TSPEAR: variants seen among roughly 807,000 people sequenced by gnomAD.
The protein encoded by TSPEAR is thrombospondin-type laminin G domain and EAR repeat-containing protein.
In TSPEAR, 69 loss-of-function variants were observed where a neutral mutation model predicts 71.6. The ratio of observed to expected loss-of-function variants is 0.96; its 90% CI spans 0.79 to 1.18. The LOEUF (loss-of-function observed/expected upper bound fraction) is 1.18, where lower values mean the gene tolerates loss of function less well. TSPEAR is among the 50% of genes most tolerant of loss of function. The probability of loss-of-function intolerance (pLI) is 0.00; values close to 1 mark genes in which losing one functional copy is unlikely to be tolerated. For synonymous variants in TSPEAR, 402 were observed against 387.2 expected (o/e 1.04, Z -0.45); for missense variants, 971 against 894.9 (o/e 1.09, Z -1.09).
intron 11 of TSPEAR, among the ~76,000 whole-genome samples, chr21:44,500,934 C>G (rs1162119307): frequency 6.6e-6 from 1 of 152,180 alleles, no homozygotes; most frequent in African/African-American, 2.4e-5. Context: ...GACCCAGTGC[C>G]TTTCCTTCTG....
Position 44,521,883 on chromosome 21 carries a change from C to T in TSPEAR, c.1566G>A (p.Pro522=), listed in dbSNP as rs151318000. ...LGSFQLFQSF[P]TFGAADWEVF... is the part of the protein sequence containing the mutation. ...CCGGGGCTCATGCGGGGGGCCTTACCGGGAAGGACTGGAAGAGCTGGAAGG... is the reference window on the plus strand; with the variant it reads ...CCGGGGCTCATGCGGGGGGCCTTACTGGGAAGGACTGGAAGAGCTGGAAGG... Residue 522 remains proline, a splice_region_variant and synonymous_variant, in exon 9 of 12, where the codon CCG becomes CCA. Coordinates refer to ENST00000323084, the MANE Select transcript of TSPEAR (RefSeq NM_144991.3). 132 of 1,613,014 alleles carry T rather than the reference C, an allele frequency of 8.2e-5. No homozygotes were observed. Among genetic ancestry groups the T allele is most frequent in the African/African-American group, 2.0e-4 (15 of 74,994 alleles).
chr21:44,685,803 C>A (rs1157781184), intron 1 of TSPEAR, among the ~76,000 whole-genome samples: 1 of 152,206 alleles, frequency 6.6e-6, no homozygotes, highest in Non-Finnish European at 1.5e-5. Flanking sequence ...CAGATCCCTG[C>A]ACCTCTGCAG....
intron 1 of TSPEAR, among the ~76,000 whole-genome samples, chr21:44,643,136 T>G (rs1375365780): frequency 1.3e-5 from 2 of 152,180 alleles, no homozygotes; most frequent in Non-Finnish European, 2.9e-5. Flanking sequence ...GCACACACTA[T>G]GCTAGGTGAA....
At position 44,680,765 on chromosome 21, in the gene TSPEAR, A is replaced by G. The variant is rs1056620257; in HGVS notation, c.82+30668T>C. Among the ~76,000 whole-genome samples, 5 of 152,358 alleles carry G rather than the reference A, an allele frequency of 3.3e-5. No individual in the cohort carries two copies. In the East Asian group the frequency reaches 9.6e-4, roughly 29 times the overall value. ...AACATGGATGGAACCGAAGGTCATT[A>G]AAGACAAATATTACATGTTCTCACT... On this transcript the variant is annotated intron_variant, in intron 1 of 11. Coordinates refer to ENST00000323084, the MANE Select transcript of TSPEAR (RefSeq NM_144991.3).
chr21:44,615,683 C>T (rs587623654), intron 1 of TSPEAR, among the ~76,000 whole-genome samples: 71 of 152,126 alleles, frequency 4.7e-4, no homozygotes, highest in African/African-American at 1.7e-3. Context: ...CCCGCCTGCC[C>T]ACAGCGAGTG....
rs1477404982 is a variant in TSPEAR at position 44,710,451 on chromosome 21, C to G, written c.82+982G>C. On this transcript the variant is annotated intron_variant, in intron 1 of 11. Transcript: ENST00000323084. This position sits in a 1 kb window ranked among gnomAD's most constrained non-coding sequence, Gnocchi z 4.6. ...CCCCCACCCCCCACGCGAGTCAGCACGTTCCATACTCGGGTGATCGTGCTC... is the reference window on the plus strand; with the variant it reads ...CCCCCACCCCCCACGCGAGTCAGCAGGTTCCATACTCGGGTGATCGTGCTC... 6.6e-6 allele frequency among the ~76,000 whole-genome samples: 1 copy of G among 151,736 alleles called. No homozygotes were observed. Among genetic ancestry groups the G allele is most frequent in the East Asian group, 1.9e-4 (1 of 5,134 alleles).
intron 1 of TSPEAR, among the ~76,000 whole-genome samples, chr21:44,704,247 CCA>C (rs1987797925): frequency 7.8e-6 from 1 of 127,768 alleles, no homozygotes; most frequent in African/African-American, 3.2e-5. Context: ...CCTGGGTACC[CCA>C]CCCCCCCACC....
chr21:44,528,666 G>A, intron 5 of TSPEAR, 83 bp from the exon 6 acceptor site: 4 of 1,550,662 alleles, frequency 2.6e-6, no homozygotes, highest in Non-Finnish European at 3.5e-6. Context: ...CCCCAAACCA[G>A]GCTGCCCTGC....
Position 44,539,382 on chromosome 21 carries a change from A to T in TSPEAR, c.304-5459T>A, listed in dbSNP as rs782361955. The T allele has an allele frequency of 6.8e-6, 11 of 1,612,684 alleles. No homozygotes were observed. The highest frequency in any genetic ancestry group is 1.1e-5 in the South Asian group (1 of 90,998). On this transcript the variant is annotated intron_variant, in intron 2 of 11. Transcript: ENST00000323084. ...GGGCGGCAGCAGCTGGCCTGGCAGGAGGAGGCAGGGGCACAGCAGGAGGAG... is the reference window on the plus strand; with the variant it reads ...GGGCGGCAGCAGCTGGCCTGGCAGGTGGAGGCAGGGGCACAGCAGGAGGAG...
intron 1 of TSPEAR, among the ~76,000 whole-genome samples, chr21:44,606,859 G>A (rs947367276): frequency 2.9e-4 from 44 of 152,122 alleles, no homozygotes; most frequent in African/African-American, 9.2e-4. Context: ...AGAGGCCGGG[G>A]GCTGCCAGAG....
intron 1 of TSPEAR, chr21:44,682,203 G>T: frequency 2.6e-6 from 4 of 1,511,982 alleles, no homozygotes; most frequent in Non-Finnish European, 2.7e-6. Flanking sequence ...TTTATACCTG[G>T]ACCCAGGCAT....
At chr21:44,558,404 G>A (rs782339891) in intron 2 of TSPEAR, 1 of 1,613,682 alleles carries the variant, frequency 6.2e-7, no homozygotes, top group Non-Finnish European at 8.5e-7. Context: ...CTGGCTTGCA[G>A]CAGACAGGCA....
intron 1 of TSPEAR, chr21:44,677,940 G>T: frequency 7.2e-7 from 1 of 1,383,274 alleles, no homozygotes; most frequent in Non-Finnish European, 1.0e-6. Flanking sequence ...CAAAAGGCCA[G>T]CTCCAGCAAT....
chr21:44,658,310 CT>C, intron 1 of TSPEAR: 4 of 1,583,466 alleles, frequency 2.5e-6, no homozygotes, highest in Non-Finnish European at 3.5e-6. Flanking sequence ...ACCTGTATCC[CT>C]CCGTGAATAA....
intron 1 of TSPEAR, chr21:44,647,324 G>A: frequency 6.2e-7 from 1 of 1,613,844 alleles, no homozygotes; most frequent in East Asian, 2.2e-5. Flanking sequence ...GCCTGCTACA[G>A]CCTCTGCTCA....
At chr21:44,645,239 G>A (rs1255616042) in intron 1 of TSPEAR, among the ~76,000 whole-genome samples, 1 of 152,128 alleles carries the variant, frequency 6.6e-6, no homozygotes, top group East Asian at 1.9e-4. Context: ...AAAACAAAGA[G>A]CCTCTGAGGG....
chr21:44,557,785 T>C (rs766888594), intron 2 of TSPEAR: 257 of 533,682 alleles, frequency 4.8e-4, no homozygotes, highest in Middle Eastern at 1.5e-3. Flanking sequence ...AAAAAAGACC[T>C]CTGAGAGGGC....
Position 44,593,868 on chromosome 21 carries a change from A to G in TSPEAR, c.83-25863T>C, listed in dbSNP as rs463876. 0.21 allele frequency among the ~76,000 whole-genome samples: 32,035 copies of G among 152,188 alleles called. 6,696 individuals are homozygous for G. The highest frequency in any genetic ancestry group is 0.54 in the African/African-American group (22,197 of 41,482). ...TTCAAACGACTGCAGCTCATCCACC[A>G]GCAGATGCCAACTGACCACGTTCCA... On this transcript the variant is annotated intron_variant, in intron 1 of 11. Coordinates refer to ENST00000323084, the MANE Select transcript of TSPEAR (RefSeq NM_144991.3). The surrounding 1 kb of genome is among the most constrained non-coding windows in gnomAD (Gnocchi z 5.9).
At chr21:44,545,820 A>G (rs2053295569) in intron 2 of TSPEAR, among the ~76,000 whole-genome samples, 1 of 152,298 alleles carries the variant, frequency 6.6e-6, no homozygotes, top group Non-Finnish European at 1.5e-5. Context: ...AAGATCTCAA[A>G]TCATTAATCT....
Sources: allele counts gnomAD v4.1 joint callset (sites outside exome capture counted in the v4.1 genomes callset), GRCh38; gene constraint gnomAD v4.1.1; non-coding constraint Gnocchi (gnomAD v3.1); transcripts MANE v1.5; gene names NCBI Gene and HGNC (gene_info 2026-07-23, HGNC 2026-07-21).